Variants in NTRK3 observed in about 807,000 individuals in gnomAD.
NTRK3 encodes the protein NT-3 growth factor receptor.
In NTRK3, 24 loss-of-function variants were observed where a neutral mutation model predicts 91.7. The ratio of observed to expected loss-of-function variants is 0.26; its 90% confidence interval spans 0.19 to 0.37. The LOEUF (loss-of-function observed/expected upper bound fraction) is 0.37, where lower values mean the gene tolerates loss of function less well. Among genes scored for constraint, NTRK3 ranks in the 10% least tolerant of loss-of-function variants. The pLI, the probability that NTRK3 is intolerant of heterozygous loss-of-function variation, is 1.00. For synonymous variants in NTRK3, 483 were observed against 404.0 expected, an observed-to-expected ratio of 1.20 and a Z score of -2.34; for missense variants, 880 against 1,068.9, an observed-to-expected ratio of 0.82 and a Z score of 2.46.
chr15:87,996,545 A>AAGACC (rs1224468893), intron 14 of NTRK3, among the ~76,000 whole-genome samples: 17 of 152,330 alleles, frequency 1.1e-4, no homozygotes, highest in African/African-American at 4.1e-4. Flanking sequence ...TGATTATGAC[A>AAGACC]AGACCATTAG....
rs548225959 is a variant in NTRK3, at chr15:88,100,954, G to A, written c.1396+25317C>T. 7.7e-4 allele frequency among the ~76,000 whole-genome samples: 117 copies of A among 152,246 alleles called. 5 individuals are homozygous for A. In the South Asian group the frequency reaches 0.023, roughly 30 times the overall value. On this transcript the variant is annotated intron_variant, in intron 13 of 18. Coordinates refer to ENST00000394480, the Ensembl canonical transcript of NTRK3. ...GCAATACCAGTCAGGACATAGGCAC[G>A]GGCAAGGACTTCATGTCTAAAACAC...
chr15:87,937,032 A>T (rs2069357333), intron 15 of NTRK3, among the ~76,000 whole-genome samples: 1 of 152,166 alleles, frequency 6.6e-6, no homozygotes, highest in South Asian at 2.1e-4. Context: ...GTACTCTCCA[A>T]GATTTTCTCT....
intron 14 of NTRK3, among the ~76,000 whole-genome samples, chr15:88,006,727 A>G (rs1034511140): frequency 6.6e-6 from 1 of 152,232 alleles, no homozygotes; most frequent in African/African-American, 2.4e-5. Context: ...GAAAGCACAC[A>G]GGAGCACAAC....
chr15:88,034,736 A>G (rs749171920), intron 13 of NTRK3, among the ~76,000 whole-genome samples: 1 of 152,234 alleles, frequency 6.6e-6, no homozygotes, highest in African/African-American at 2.4e-5. Context: ...AGGACCCTGA[A>G]TTCCACTCCA....
chr15:88,202,618 C>G (rs2048399473), intron 3 of NTRK3, among the ~76,000 whole-genome samples: 1 of 152,202 alleles, frequency 6.6e-6, no homozygotes, highest in South Asian at 2.1e-4. Context: ...GGCCCCAGAC[C>G]TGTTCCTGTC....
intron 17 of NTRK3, among the ~76,000 whole-genome samples, chr15:87,918,449 C>A (rs574028100): frequency 6.6e-6 from 1 of 152,310 alleles, no homozygotes; most frequent in South Asian, 2.1e-4. Context: ...CTAGATCATT[C>A]TTCTGGTTTC....
chr15:88,244,116 T>C (rs748554446), intron 3 of NTRK3, among the ~76,000 whole-genome samples: 14 of 152,046 alleles, frequency 9.2e-5, no homozygotes, highest in Admixed American at 1.3e-4. Context: ...ATTGGAACCA[T>C]AGAGCGTTCA....
intron 5 of NTRK3, among the ~76,000 whole-genome samples, chr15:88,161,116 T>C (rs550179943): frequency 1.2e-4 from 19 of 152,216 alleles, no homozygotes; most frequent in African/African-American, 2.4e-5. Context: ...GTAATAGTAA[T>C]AGCAGCTAAC....
At chr15:88,095,677 T>A (rs2049514815) in intron 13 of NTRK3, among the ~76,000 whole-genome samples, 1 of 152,152 alleles carries the variant, frequency 6.6e-6, no homozygotes. Context: ...CTCCCCAGGT[T>A]TAGAAGGTTT....
chr15:87,935,267 C>T (rs1223464573), intron 15 of NTRK3, among the ~76,000 whole-genome samples: 1 of 152,106 alleles, frequency 6.6e-6, no homozygotes, highest in African/African-American at 2.4e-5. Context: ...CTGAGCCCAG[C>T]AAAGGTGCCA....
intron 13 of NTRK3, among the ~76,000 whole-genome samples, chr15:88,092,049 G>A (rs1039249876): frequency 1.3e-5 from 2 of 152,212 alleles, no homozygotes; most frequent in Non-Finnish European, 2.9e-5. Context: ...CAAGGCAAAT[G>A]AGAACCATGG....
At chr15:88,117,997 T>A (rs2052295080) in intron 13 of NTRK3, among the ~76,000 whole-genome samples, 1 of 152,232 alleles carries the variant, frequency 6.6e-6, no homozygotes, top group Non-Finnish European at 1.5e-5. Flanking sequence ...CTGCCCAGCT[T>A]ATCCTCCATG....
intron 13 of NTRK3, among the ~76,000 whole-genome samples, chr15:88,035,677 T>G (rs2079010178): frequency 6.6e-6 from 1 of 152,088 alleles, no homozygotes; most frequent in African/African-American, 2.4e-5. Flanking sequence ...CACCAGGCAC[T>G]TCAGCAAAGC....
chr15:88,134,922 G>A (rs1419395746), intron 10 of NTRK3, among the ~76,000 whole-genome samples, 179 bp downstream of exon 10: 4 of 152,182 alleles, frequency 2.6e-5, no homozygotes, highest in Non-Finnish European at 4.4e-5. Context: ...GGAAAATGGA[G>A]ACTCTATCCT....
chr15:87,906,302 C>T (rs954225958), intron 17 of NTRK3, among the ~76,000 whole-genome samples: 1 of 152,214 alleles, frequency 6.6e-6, no homozygotes, highest in Admixed American at 6.5e-5. Flanking sequence ...AGCAGGTGTT[C>T]AGCAGCTGTA....
At chr15:88,068,903 G>A (rs2046878553) in intron 13 of NTRK3, among the ~76,000 whole-genome samples, 1 of 152,150 alleles carries the variant, frequency 6.6e-6, no homozygotes, top group Non-Finnish European at 1.5e-5. Context: ...CAAGAGATTA[G>A]AGGTCAAGGT....
At chr15:88,148,325 G>C (rs535296185) in intron 5 of NTRK3, among the ~76,000 whole-genome samples, 15 of 152,320 alleles carry the variant, frequency 9.8e-5, no homozygotes, top group Admixed American at 8.5e-4. Flanking sequence ...GAATGAGGGA[G>C]TTGACCATTG....
chr15:88,003,673 A>C (rs1278194053), intron 14 of NTRK3, among the ~76,000 whole-genome samples: 1 of 152,186 alleles, frequency 6.6e-6, no homozygotes, highest in East Asian at 1.9e-4. Context: ...CTGTGGAACA[A>C]AGTTTCAACC....
chr15:87,950,594 C>T (rs2071016034), intron 14 of NTRK3, among the ~76,000 whole-genome samples: 1 of 152,136 alleles, frequency 6.6e-6, no homozygotes, highest in African/African-American at 2.4e-5. Context: ...AGGACACATC[C>T]TCAGAGGCCG....
Sources: gnomAD v4.1 joint callset for allele counts (sites outside exome capture counted in the v4.1 genomes callset) on GRCh38, gnomAD v4.1.1 for gene constraint, MANE v1.5 for transcripts, NCBI Gene and HGNC (gene_info 2026-07-23, HGNC 2026-07-21) for gene names.